DLGAP2: variants seen among roughly 807,000 people sequenced by gnomAD.
DLGAP2 encodes the protein DLG associated protein 2.
A neutral mutation model predicts 100.3 loss-of-function variants in DLGAP2; 26 were observed. The ratio of observed to expected loss-of-function variants is 0.26; its 90% CI spans 0.19 to 0.36. The LOEUF (loss-of-function observed/expected upper bound fraction) is 0.36. Among genes scored for constraint, DLGAP2 ranks in the 10% least tolerant of loss-of-function variants. The probability of loss-of-function intolerance (pLI) is 1.00; values close to 1 mark genes in which losing one functional copy is unlikely to be tolerated. For missense variants in DLGAP2, 1,858 were observed against 1,453.2 expected, an observed-to-expected ratio of 1.28 and a Z score of -4.53; for synonymous variants, 886 against 630.1, an observed-to-expected ratio of 1.41 and a Z score of -6.08.
intron 3 of DLGAP2, among the ~76,000 whole-genome samples, chr8:1,288,429 C>T (rs1799987731): frequency 1.9e-5 from 2 of 103,158 alleles, no homozygotes; most frequent in Admixed American, 1.1e-4. Context: ...TGTTTTGGTT[C>T]AGTGTGTGTG....
At chr8:973,897 GCCGCCA>G (rs974929861) in intron 2 of DLGAP2, among the ~76,000 whole-genome samples, 9 of 134,556 alleles carry the variant, frequency 6.7e-5, no homozygotes, top group Non-Finnish European at 9.2e-5. Context: ...CTCCGCCACC[GCCGCCA>G]CCGCCACCGC....
chr8:987,248 A>G (rs1160964714), intron 2 of DLGAP2, among the ~76,000 whole-genome samples: 1 of 152,174 alleles, frequency 6.6e-6, no homozygotes, highest in African/African-American at 2.4e-5. Flanking sequence ...AAGCCTGGGC[A>G]GAGATGGTCA....
intron 2 of DLGAP2, among the ~76,000 whole-genome samples, chr8:1,042,156 C>A (rs2129030764): frequency 6.6e-6 from 1 of 152,296 alleles, no homozygotes; most frequent in African/African-American, 2.4e-5. Context: ...AAGCCAGCAA[C>A]CCCAGTGAGT....
intron 2 of DLGAP2, among the ~76,000 whole-genome samples, chr8:1,113,179 A>G (rs972868849): frequency 1.1e-4 from 17 of 151,916 alleles, no homozygotes; most frequent in Admixed American, 5.2e-4. Flanking sequence ...GGCCTTGGAT[A>G]TTTGGGCTTT....
At chr8:1,298,572 C>T (rs906667612) in intron 3 of DLGAP2, among the ~76,000 whole-genome samples, 1 of 152,050 alleles carries the variant, frequency 6.6e-6, no homozygotes, top group Admixed American at 6.5e-5. Context: ...GGGGACGGCT[C>T]AGTAGGTACC....
intron 4 of DLGAP2, among the ~76,000 whole-genome samples, chr8:1,540,796 C>A (rs759437883): frequency 2.0e-4 from 30 of 152,232 alleles, no homozygotes; most frequent in Non-Finnish European, 4.1e-4. Context: ...AACCATACAA[C>A]CATTTCTGGA....
intron 2 of DLGAP2, among the ~76,000 whole-genome samples, chr8:1,119,423 A>G (rs1174114625): frequency 1.3e-5 from 2 of 152,212 alleles, no homozygotes; most frequent in Non-Finnish European, 2.9e-5. Context: ...TGCTGGTTTT[A>G]TTCCATGACA....
intron 3 of DLGAP2, among the ~76,000 whole-genome samples, chr8:1,310,781 C>T (rs576302077): frequency 6.6e-6 from 1 of 152,200 alleles, no homozygotes; most frequent in East Asian, 1.9e-4. Flanking sequence ...CCTCAGCCTC[C>T]TGAGTAGCTG....
At chr8:1,180,556 G>A (rs1231224972) in intron 2 of DLGAP2, among the ~76,000 whole-genome samples, 2 of 120,712 alleles carry the variant, frequency 1.7e-5, no homozygotes, top group Non-Finnish European at 1.6e-5. Context: ...GAACCAGTGC[G>A]TGTGGCACAC....
At chr8:1,176,448 T>C (rs1030028069) in intron 2 of DLGAP2, among the ~76,000 whole-genome samples, 2 of 152,218 alleles carry the variant, frequency 1.3e-5, no homozygotes, top group African/African-American at 4.8e-5. Context: ...TCTGAGTATT[T>C]ACATGAGATG....
chr8:1,526,397 G>A (rs191645754), intron 4 of DLGAP2, among the ~76,000 whole-genome samples: 9 of 152,162 alleles, frequency 5.9e-5, no homozygotes, highest in Admixed American at 4.6e-4. Context: ...GGGAATGCAT[G>A]TGGGTCCAAG....
intron 6 of DLGAP2, among the ~76,000 whole-genome samples, chr8:1,569,471 G>A (rs1453344785): frequency 6.7e-6 from 1 of 150,316 alleles, no homozygotes; most frequent in Non-Finnish European, 1.5e-5. Context: ...TCACTCTTTG[G>A]GGGTTAATGT....
intron 1 of DLGAP2, among the ~76,000 whole-genome samples, chr8:902,635 A>C (rs1287244631): frequency 2.4e-4 from 2 of 8,418 alleles, no homozygotes; most frequent in Non-Finnish European, 4.2e-4. Flanking sequence ...GGGGGTGGAA[A>C]GTGTTCGGGT....
intron 1 of DLGAP2, among the ~76,000 whole-genome samples, chr8:783,911 A>T (rs987664889): frequency 2.0e-5 from 3 of 152,198 alleles, no homozygotes; most frequent in Non-Finnish European, 4.4e-5. Context: ...TTAAAAGAGG[A>T]TATCATAGCG....
intron 1 of DLGAP2, among the ~76,000 whole-genome samples, chr8:872,390 A>G (rs1797616304): frequency 6.7e-6 from 1 of 148,656 alleles, no homozygotes; most frequent in African/African-American, 2.5e-5. Flanking sequence ...CTGGAGTACA[A>G]CGGCGCGATC....
intron 2 of DLGAP2, among the ~76,000 whole-genome samples, chr8:967,399 G>A (rs532952792): frequency 6.6e-6 from 1 of 152,266 alleles, no homozygotes; most frequent in South Asian, 2.1e-4. Context: ...TTGAGAGTGA[G>A]TAGATTATTC....
rs143895935 is a variant in DLGAP2 at position 751,792 on chromosome 8, T to C, written c.18+13967T>C. On this transcript the variant is annotated intron_variant, in intron 1 of 14. Coordinates refer to ENST00000637795, the MANE Select transcript of DLGAP2 (RefSeq NM_001346810.2). ...TCCTTATAGTAAGTTCATCTGACATTTTATAGTAAGTCCTTATAGGAAGTT... is the reference window on the plus strand; with the variant it reads ...TCCTTATAGTAAGTTCATCTGACATCTTATAGTAAGTCCTTATAGGAAGTT... 6.0e-3 allele frequency among the ~76,000 whole-genome samples: 917 copies of C among 152,080 alleles called. 8 individuals carry two copies. Among genetic ancestry groups the C allele is most frequent in the African/African-American group, 0.021 (859 of 41,412 alleles).
chr8:1,465,688 T>C (rs114705968), intron 3 of DLGAP2, among the ~76,000 whole-genome samples: 2,471 of 152,314 alleles, frequency 0.016, 56 homozygotes, highest in African/African-American at 0.056. Context: ...TGACTGAGGC[T>C]CAGACAGCCG....
At chr8:811,360 C>CAAAGGATATAAGGGGAAG (rs1796366756) in intron 1 of DLGAP2, among the ~76,000 whole-genome samples, 1 of 151,676 alleles carries the variant, frequency 6.6e-6, no homozygotes, top group Non-Finnish European at 1.5e-5. Flanking sequence ...AAGCTCCCAT[C>CAAAGGATATAAGGGGAAG]AACCTTGGAA....
Sources: allele counts gnomAD v4.1 joint callset (sites outside exome capture counted in the v4.1 genomes callset), GRCh38; gene constraint gnomAD v4.1.1; transcripts MANE v1.5; gene names NCBI Gene and HGNC (gene_info 2026-07-23, HGNC 2026-07-21).